OR8B2: variants seen among roughly 807,000 people sequenced by gnomAD.
OR8B2 encodes the protein olfactory receptor 8B2.
For synonymous variants in OR8B2, 98 were observed against 138.2 expected, an observed-to-expected ratio of 0.71 and a Z score of 2.04; for missense variants, 304 against 379.6, an observed-to-expected ratio of 0.80 and a Z score of 1.65.
the OR8B2 span, among the ~76,000 whole-genome samples, chr11:124,392,810 A>G: frequency 6.6e-6 from 1 of 150,786 alleles, no homozygotes; most frequent in Non-Finnish European, 1.5e-5. Context: ...CACCAAGTCA[A>G]TCCTAAGCCA....
chr11:124,396,377 T>C, the OR8B2 span: 1 of 1,543,460 alleles, frequency 6.5e-7, no homozygotes, highest in Non-Finnish European at 8.7e-7. Context: ...AATTTAAAGT[T>C]CTTCAATCGT....
At chr11:124,397,249 A>G in the OR8B2 span, 1 of 1,540,406 alleles carries the variant, frequency 6.5e-7, no homozygotes, top group South Asian at 1.1e-5. Flanking sequence ...GTGACAATGT[A>G]GACCACTAGA....
the OR8B2 span, among the ~76,000 whole-genome samples, chr11:124,390,226 C>T: frequency 6.6e-6 from 1 of 152,146 alleles, no homozygotes; most frequent in African/African-American, 2.4e-5. Flanking sequence ...GCACAAATTC[C>T]AGGCAATGCA....
upstream of OR8B2, among the ~76,000 whole-genome samples, chr11:124,384,899 A>T (rs1347216691): frequency 4.6e-5 from 7 of 152,216 alleles, no homozygotes; most frequent in African/African-American, 1.7e-4. Flanking sequence ...ATTTTTGCTA[A>T]TTATAATTAT....
the OR8B2 span, among the ~76,000 whole-genome samples, chr11:124,390,491 G>A: frequency 6.6e-6 from 1 of 152,178 alleles, no homozygotes; most frequent in African/African-American, 2.4e-5. Flanking sequence ...ATAGCAAAAT[G>A]TTTTAAGAAA....
the OR8B2 span, among the ~76,000 whole-genome samples, chr11:124,389,691 G>A: frequency 6.6e-6 from 1 of 152,114 alleles, no homozygotes; most frequent in Non-Finnish European, 1.5e-5. Context: ...TAATATTCCA[G>A]ACTAATCAGG....
Position 124,383,269 on chromosome 11 carries a change from T to A in OR8B2, c.75A>T (p.Gln25His). 1 of 1,613,902 alleles carries A rather than the reference T, an allele frequency of 6.2e-7. No individual in the cohort carries two copies. Among genetic ancestry groups the A allele is most frequent in the Non-Finnish European group, 8.5e-7 (1 of 1,179,836 alleles). The part of the protein sequence containing the change: ...AGLTDHPEFR[Q>H]PLFFLFLVIY... ...TCACTAGAAACAGGAAAAAGAGGGG[T>A]TGCCGGAACTCTGGATGATCTGTTA... is the stretch of plus-strand genomic sequence containing the variant. The change falls in exon 2 of 2, where the codon CAA (glutamine) becomes CAT (histidine). Residue 25 changes from glutamine (Q) to histidine (H), a missense_variant. By Grantham distance (24) the Gln-to-His change is conservative (BLOSUM62 0). Transcript: ENST00000641451.
At chr11:124,393,948 C>T in the OR8B2 span, among the ~76,000 whole-genome samples, 1 of 150,970 alleles carries the variant, frequency 6.6e-6, no homozygotes, top group African/African-American at 2.4e-5. Flanking sequence ...AGTTCATGTC[C>T]TTTGTAGGGA....
chr11:124,397,052 C>T, the OR8B2 span: 4 of 1,613,908 alleles, frequency 2.5e-6, no homozygotes, highest in Admixed American at 1.7e-5. Flanking sequence ...AGAAAAACAG[C>T]TGAGTCATGC....
upstream of OR8B2, among the ~76,000 whole-genome samples, chr11:124,388,631 A>G (rs1267886296): frequency 6.6e-6 from 1 of 152,050 alleles, no homozygotes; most frequent in Non-Finnish European, 1.5e-5. Flanking sequence ...CCCATAAATT[A>G]TCTTTATTTT....
At chr11:124,396,737 A>G in the OR8B2 span, 4 of 1,613,860 alleles carry the variant, frequency 2.5e-6, no homozygotes, top group Admixed American at 6.7e-5. Flanking sequence ...CCATGATATT[A>G]ATACCCACAA....
upstream of OR8B2, among the ~76,000 whole-genome samples, chr11:124,385,428 G>A (rs1481278944): frequency 6.6e-6 from 1 of 151,866 alleles, no homozygotes; most frequent in Non-Finnish European, 1.5e-5. Flanking sequence ...AGCAAAATCA[G>A]GAAACTGACA....
At chr11:124,383,636 T>A (rs557913053) in intron 1 of OR8B2, among the ~76,000 whole-genome samples, 1 of 152,302 alleles carries the variant, frequency 6.6e-6, no homozygotes, top group Non-Finnish European at 1.5e-5. Context: ...GAGCTTGGGT[T>A]ATATGGATGT....
At chr11:124,389,830 A>G in the OR8B2 span, among the ~76,000 whole-genome samples, 2 of 152,162 alleles carry the variant, frequency 1.3e-5, no homozygotes, top group South Asian at 4.1e-4. Context: ...GATCCTGCCA[A>G]AAAAGCCAGT....
At chr11:124,396,504 A>G in the OR8B2 span, 23 of 1,614,042 alleles carry the variant, frequency 1.4e-5, no homozygotes, top group East Asian at 3.6e-4. Context: ...AGGATTGAGC[A>G]TGGGCACCAC....
chr11:124,383,459 T>G (rs1334838086), intron 1 of OR8B2, 99 bp from the exon 2 acceptor site: 1 of 1,092,840 alleles, frequency 9.2e-7, no homozygotes, highest in African/African-American at 1.5e-5. Context: ...TTGGGTGAGT[T>G]CTTTGTTTCA....
the OR8B2 span, among the ~76,000 whole-genome samples, chr11:124,393,317 A>G: frequency 0.023 from 3,344 of 147,702 alleles, 349 homozygotes; most frequent in African/African-American, 0.083. Flanking sequence ...TACCATCAGA[A>G]TGAACAGGCA....
At chr11:124,385,000 T>C (rs1374297028), upstream of OR8B2, among the ~76,000 whole-genome samples, 10 of 152,072 alleles carry the variant, frequency 6.6e-5, no homozygotes, top group Non-Finnish European at 1.5e-4. Flanking sequence ...TTTTAAATAA[T>C]CCATTTTTAG....
At chr11:124,385,962 G>A (rs969800033), upstream of OR8B2, among the ~76,000 whole-genome samples, 3 of 152,032 alleles carry the variant, frequency 2.0e-5, no homozygotes, top group African/African-American at 7.2e-5. Flanking sequence ...AGACTTTTAA[G>A]CATTCCATTT....
Sources: allele counts gnomAD v4.1 joint callset (sites outside exome capture counted in the v4.1 genomes callset), GRCh38; gene constraint gnomAD v4.1.1; transcripts MANE v1.5; gene names NCBI Gene and HGNC (gene_info 2026-07-23, HGNC 2026-07-21).